The following ENTREP2 variants were observed in gnomAD, a reference collection of about 807,000 sequenced individuals.
ENTREP2 encodes protein ENTREP2.
the ENTREP2 span, among the ~76,000 whole-genome samples, chr15:29,413,544 T>C: frequency 6.6e-6 from 1 of 152,188 alleles, no homozygotes; most frequent in African/African-American, 2.4e-5. Flanking sequence ...GCCAATATTC[T>C]TTTGGTTGAC....
chr15:29,629,874 C>T, the ENTREP2 span, among the ~76,000 whole-genome samples: 2 of 152,106 alleles, frequency 1.3e-5, no homozygotes, highest in African/African-American at 2.4e-5. Context: ...CCCAGCACTT[C>T]AGGAGGCCAA....
At chr15:29,271,860 C>T in the ENTREP2 span, among the ~76,000 whole-genome samples, 1 of 152,092 alleles carries the variant, frequency 6.6e-6, no homozygotes, top group Non-Finnish European at 1.5e-5. Context: ...GCTCGTCCTG[C>T]TACAGTGCCT....
chr15:29,147,396 T>G, the ENTREP2 span, among the ~76,000 whole-genome samples: 1 of 151,174 alleles, frequency 6.6e-6, no homozygotes, highest in East Asian at 1.9e-4. Context: ...TCATAAGTGT[T>G]GGCGTGGATG....
the ENTREP2 span, among the ~76,000 whole-genome samples, chr15:29,536,737 G>C: frequency 6.6e-6 from 1 of 152,210 alleles, no homozygotes; most frequent in African/African-American, 2.4e-5. Context: ...TCTAATCCAA[G>C]ATGACTGGTG....
chr15:29,630,872 G>A, the ENTREP2 span, among the ~76,000 whole-genome samples: 2 of 152,080 alleles, frequency 1.3e-5, no homozygotes, highest in East Asian at 1.9e-4. Flanking sequence ...TAGTACAGAC[G>A]GGATTTCACC....
At chr15:29,231,732 A>G in the ENTREP2 span, among the ~76,000 whole-genome samples, 8 of 152,054 alleles carry the variant, frequency 5.3e-5, no homozygotes, top group Non-Finnish European at 1.0e-4. Context: ...TAAAACGCTT[A>G]ATTTCTTAGT....
the ENTREP2 span, among the ~76,000 whole-genome samples, chr15:29,524,284 A>C: frequency 2.0e-5 from 3 of 152,226 alleles, no homozygotes; most frequent in Non-Finnish European, 4.4e-5. Flanking sequence ...CAACATCTCT[A>C]GTCAGGAGGG....
the ENTREP2 span, among the ~76,000 whole-genome samples, chr15:29,230,772 T>C: frequency 6.6e-6 from 1 of 152,254 alleles, no homozygotes; most frequent in African/African-American, 2.4e-5. Context: ...AAGGATGGGA[T>C]AGTGGCCTGA....
the ENTREP2 span, among the ~76,000 whole-genome samples, chr15:29,577,127 AAAAG>A: frequency 3.9e-5 from 6 of 152,012 alleles, no homozygotes; most frequent in South Asian, 4.1e-4. Context: ...TTTAAAAAAA[AAAAG>A]AAAGAAAGAA....
the ENTREP2 span, among the ~76,000 whole-genome samples, chr15:29,394,882 CTTTTTTTTTTTTTT>C: frequency 0.016 from 1,499 of 95,846 alleles, 13 homozygotes; most frequent in Middle Eastern, 0.071. Flanking sequence ...GTCAGAATCT[CTTTTTTTTTTTTTT>C]TTTTTTTTTT....
At chr15:29,126,322 G>A in the ENTREP2 span, 198 of 1,517,166 alleles carry the variant, frequency 1.3e-4, no homozygotes, top group South Asian at 1.7e-3. Flanking sequence ...ACACACGCCC[G>A]GGACCTGGCT....
chr15:29,135,531 T>G, the ENTREP2 span, among the ~76,000 whole-genome samples: 1 of 152,130 alleles, frequency 6.6e-6, no homozygotes. The surrounding 1 kb of genome is among the most constrained non-coding windows in gnomAD (Gnocchi z 7.4). Flanking sequence ...ACAACGATGA[T>G]GAGGAGGAAA....
the ENTREP2 span, among the ~76,000 whole-genome samples, chr15:29,368,951 G>A: frequency 6.6e-6 from 1 of 152,014 alleles, no homozygotes. Flanking sequence ...CTCTCTATAG[G>A]GGTTAAAGAG....
chr15:29,410,058 T>A, the ENTREP2 span, among the ~76,000 whole-genome samples: 4 of 152,148 alleles, frequency 2.6e-5, no homozygotes, highest in Non-Finnish European at 5.9e-5. Flanking sequence ...TTCCCCTCAA[T>A]CACTGCAGAT....
chr15:29,440,422 C>T, the ENTREP2 span, among the ~76,000 whole-genome samples: 3 of 152,140 alleles, frequency 2.0e-5, no homozygotes, highest in Non-Finnish European at 4.4e-5. Flanking sequence ...GAATAGTATG[C>T]ATTGATCATA....
At chr15:29,526,888 C>T in the ENTREP2 span, among the ~76,000 whole-genome samples, 1 of 152,112 alleles carries the variant, frequency 6.6e-6, no homozygotes, top group Non-Finnish European at 1.5e-5. Context: ...TCCCATCTGG[C>T]CTCCTCACTG....
the ENTREP2 span, among the ~76,000 whole-genome samples, chr15:29,531,850 G>C: frequency 6.6e-6 from 1 of 152,148 alleles, no homozygotes; most frequent in Admixed American, 6.5e-5. Flanking sequence ...ATTTTTAGTA[G>C]AGATGGGGTT....
chr15:29,503,773 G>A, the ENTREP2 span, among the ~76,000 whole-genome samples: 6 of 152,270 alleles, frequency 3.9e-5, no homozygotes, highest in Middle Eastern at 3.4e-3. Flanking sequence ...GATGGGTCAT[G>A]CAATTCTTTA....
chr15:29,228,234 G>A, the ENTREP2 span, among the ~76,000 whole-genome samples: 3 of 152,256 alleles, frequency 2.0e-5, no homozygotes, highest in East Asian at 1.9e-4. Context: ...CAGGAGAATC[G>A]CTTGAACTAG....
Sources: gnomAD v4.1 joint callset for allele counts (sites outside exome capture counted in the v4.1 genomes callset) on GRCh38, gnomAD v4.1.1 for gene constraint, Gnocchi (gnomAD v3.1) non-coding constraint, MANE v1.5 for transcripts, NCBI Gene and HGNC (gene_info 2026-07-23, HGNC 2026-07-21) for gene names.